The following MPHOSPH9 variants were observed in gnomAD, a reference collection of about 807,000 sequenced individuals.
MPHOSPH9 encodes the protein M-phase phosphoprotein 9.
In MPHOSPH9, 88 loss-of-function variants were observed where a neutral mutation model predicts 145.5. That is an observed-to-expected ratio of 0.60 (90% CI 0.51 to 0.72). The LOEUF is 0.72. Among genes scored for constraint, MPHOSPH9 ranks in the 30% least tolerant of loss-of-function variants. The pLI is 0.00. For missense variants in MPHOSPH9, 1,238 were observed against 1,386.6 expected (o/e 0.89, Z 1.70); for synonymous variants, 435 against 486.2 (o/e 0.89, Z 1.39).
At position 123,159,783 on chromosome 12, in the gene MPHOSPH9, G is replaced by A. The variant is rs908200059; in HGVS notation, c.3450+998C>T. ...TACTAAAACATTCTTGGTTAAATAC[G>A]TTACTGCTGATGGAATATTGTACGT... On this transcript the variant is annotated intron_variant, in intron 23 of 23. Coordinates refer to ENST00000606320, the MANE Select transcript of MPHOSPH9 (RefSeq NM_022782.4). This position sits in a 1 kb window ranked among gnomAD's most constrained non-coding sequence, Gnocchi z 4.3. The A allele has an allele frequency of 3.9e-5, 6 of 152,010 alleles. No individual in the cohort carries two copies. The highest frequency in any genetic ancestry group is 5.9e-5 in the Non-Finnish European group (4 of 68,010). The allele number at this position is 152,010 out of a possible 1,614,324, so 9.4% of individuals were successfully genotyped here.
intron 19 of MPHOSPH9, 94 bp downstream of exon 19, chr12:123,163,856 A>G: frequency 6.7e-7 from 1 of 1,502,128 alleles, no homozygotes; most frequent in Non-Finnish European, 9.2e-7. Context: ...TGAGGATACA[A>G]GAGAAACCAG....
In MPHOSPH9 at chr12:123,166,917, A is replaced by G. The variant is rs1323861225; in HGVS notation, c.2457-128T>C. The G allele has an allele frequency of 5.3e-6, 5 of 939,506 alleles. No homozygotes were observed. The African/African-American group carries it at 8.6e-5, about 16-fold the overall frequency. The allele number at this position is 939,506 out of a possible 1,614,324, so 58.2% of individuals were successfully genotyped here. A position where few individuals can be genotyped will look rare whatever the true frequency, so the allele number is the denominator to read the frequency against. On this transcript the variant is annotated intron_variant, in intron 16 of 23. Coordinates refer to ENST00000606320, the MANE Select transcript of MPHOSPH9 (RefSeq NM_022782.4). ...TACACTAATTTAAAAATCACATGTAACAATCTATATTTTGGATACAATTTA... is the reference window on the plus strand; with the variant it reads ...TACACTAATTTAAAAATCACATGTAGCAATCTATATTTTGGATACAATTTA...
chr12:123,170,193 A>C (rs1050935583), intron 16 of MPHOSPH9, among the ~76,000 whole-genome samples: 1 of 151,468 alleles, frequency 6.6e-6, no homozygotes, highest in Non-Finnish European at 1.5e-5. Flanking sequence ...CCCAGGCTGG[A>C]GTACAGTGGC....
chr12:123,243,789 A>G (rs2047989070), intron 1 of MPHOSPH9: 1 of 152,222 alleles, frequency 6.6e-6, no homozygotes, highest in Non-Finnish European at 1.5e-5. Context: ...TCATCTCAGT[A>G]TCACTGTACT....
At chr12:123,183,560 A>AAG (rs2045298030) in intron 13 of MPHOSPH9, among the ~76,000 whole-genome samples, 1 of 151,296 alleles carries the variant, frequency 6.6e-6, no homozygotes, top group Non-Finnish European at 1.5e-5. Flanking sequence ...AAAAAAAAAA[A>AAG]AAAAAAAAAA....
At chr12:123,223,740 T>C (rs1235974243) in intron 3 of MPHOSPH9, among the ~76,000 whole-genome samples, 3 of 152,104 alleles carry the variant, frequency 2.0e-5, no homozygotes, top group African/African-American at 7.2e-5. Context: ...TTCATAGTAT[T>C]TGCCACATCA....
intron 1 of MPHOSPH9, among the ~76,000 whole-genome samples, chr12:123,241,943 G>A (rs950379161): frequency 6.6e-6 from 1 of 152,196 alleles, no homozygotes; most frequent in African/African-American, 2.4e-5. Context: ...AGGATGAGGG[G>A]CATAGAAAGT....
At chr12:123,230,669 A>G (rs1355072700) in intron 1 of MPHOSPH9, 147 bp from the exon 2 acceptor site, 1 of 221,708 alleles carries the variant, frequency 4.5e-6, no homozygotes, top group Non-Finnish European at 8.8e-6. Flanking sequence ...AAATGTAGAA[A>G]CCACCCAAAT....
At chr12:123,232,131 T>C (rs967392916) in intron 1 of MPHOSPH9, among the ~76,000 whole-genome samples, 7 of 151,556 alleles carry the variant, frequency 4.6e-5, no homozygotes, top group Middle Eastern at 3.4e-3. Context: ...CCCTTCCAAC[T>C]GGCAACAGAA....
chr12:123,205,238 T>C lies in MPHOSPH9; in HGVS notation c.1195-1863A>G, dbSNP rs536414287. The stretch of plus-strand genomic sequence containing the variant: ...CTTGTGAGTGTGTGCATTAAAGGCA[T>C]TAATTTGTTAAATCTAAACCTTTAA... On this transcript the variant is annotated intron_variant, in intron 8 of 23. Coordinates refer to ENST00000606320, the MANE Select transcript of MPHOSPH9 (RefSeq NM_022782.4). 1.7e-3 allele frequency among the ~76,000 whole-genome samples: 263 copies of C among 152,338 alleles called. 1 individual carries two copies. Among genetic ancestry groups the C allele is most frequent in the Admixed American group, 5.2e-3 (79 of 15,302 alleles).
intron 7 of MPHOSPH9, among the ~76,000 whole-genome samples, chr12:123,213,961 C>T (rs1239238841): frequency 2.6e-5 from 4 of 152,030 alleles, no homozygotes; most frequent in African/African-American, 9.7e-5. Context: ...AGGCTAGAAG[C>T]TGTGGAGGTT....
In MPHOSPH9 at chr12:123,159,363, C is replaced by T. The variant is rs1425534470; in HGVS notation, c.3450+1418G>A. ...TATTTTTAGTAGAGATGGGGTTTTG[C>T]CATGTTGGCCAGGCTGGTCTTGAAC... On this transcript the variant is annotated intron_variant, in intron 23 of 23. Coordinates refer to ENST00000606320, the MANE Select transcript of MPHOSPH9 (RefSeq NM_022782.4). The surrounding 1 kb of genome is among the most constrained non-coding windows in gnomAD (Gnocchi z 4.3). 6.6e-6 allele frequency among the ~76,000 whole-genome samples: 1 copy of T among 152,072 alleles called. No individual in the cohort carries two copies. The highest frequency in any genetic ancestry group is 1.5e-5 in the Non-Finnish European group (1 of 68,000).
intron 13 of MPHOSPH9, among the ~76,000 whole-genome samples, chr12:123,193,088 A>AT (rs1373865605): frequency 8.3e-5 from 6 of 72,018 alleles, no homozygotes; most frequent in African/African-American, 2.4e-4. Flanking sequence ...AAAAAAAAAA[A>AT]AAAAAAAAAT....
At position 123,180,002 on chromosome 12, in the gene MPHOSPH9, A is replaced by G; in HGVS notation, c.2290-12T>C. On this transcript the variant is annotated splice_polypyrimidine_tract_variant and intron_variant, in intron 14 of 23. Transcript: ENST00000606320. ...GTATTTAATGCATCCTATGGAAATA[A>G]AGGAGAAATTCAGATAACTGAAGAC... 7.4e-7 allele frequency: 1 copy of G among 1,346,394 alleles called. No homozygotes were observed. The highest frequency in any genetic ancestry group is 1.0e-6 in the Non-Finnish European group (1 of 985,722). The allele number at this position is 1,346,394 out of a possible 1,614,324, so 83.4% of individuals were successfully genotyped here.
At chr12:123,208,812 C>T (rs933578697) in intron 8 of MPHOSPH9, among the ~76,000 whole-genome samples, 6 of 151,928 alleles carry the variant, frequency 3.9e-5, no homozygotes, top group Admixed American at 1.3e-4. Flanking sequence ...TGTGACCTCC[C>T]GGGCTCAAGT....
intron 16 of MPHOSPH9, among the ~76,000 whole-genome samples, chr12:123,167,136 C>T (rs1335067438): frequency 6.6e-6 from 1 of 152,176 alleles, no homozygotes; most frequent in African/African-American, 2.4e-5. Context: ...CCTTCTTGTT[C>T]CCTTCAGACC....
intron 8 of MPHOSPH9, among the ~76,000 whole-genome samples, chr12:123,205,269 ACTGTGGT>A (rs2046375569): frequency 6.6e-6 from 1 of 152,116 alleles, no homozygotes; most frequent in Admixed American, 6.6e-5. Flanking sequence ...TTTAAAATAT[ACTGTGGT>A]GGCTCACGCC....
At chr12:123,201,401 AC>A (rs1400153791) in intron 11 of MPHOSPH9, among the ~76,000 whole-genome samples, 2 of 152,086 alleles carry the variant, frequency 1.3e-5, no homozygotes, top group Non-Finnish European at 2.9e-5. Context: ...TTATTTAGAG[AC>A]AGGGTGTCGC....
intron 8 of MPHOSPH9, 21 bp downstream of exon 8, chr12:123,210,035 C>T: frequency 6.3e-7 from 1 of 1,575,050 alleles, no homozygotes; most frequent in South Asian, 1.1e-5. Flanking sequence ...CGCGCCCGGC[C>T]ACCGTGTGTT....
Sources: gnomAD v4.1 joint callset for allele counts (sites outside exome capture counted in the v4.1 genomes callset) on GRCh38, gnomAD v4.1.1 for gene constraint, Gnocchi (gnomAD v3.1) non-coding constraint, MANE v1.5 for transcripts, NCBI Gene and HGNC (gene_info 2026-07-23, HGNC 2026-07-21) for gene names.